IMMP2L: variants seen among roughly 807,000 people sequenced by gnomAD.
IMMP2L encodes inner mitochondrial membrane peptidase subunit 2.
IMMP2L carries 18 observed loss-of-function variants against 19.3 expected under a neutral mutation model. That is an observed-to-expected ratio of 0.93 (90% CI 0.64 to 1.38). IMMP2L has a LOEUF of 1.38. Among genes scored for constraint, IMMP2L ranks in the 40% most tolerant of loss-of-function variants. IMMP2L has a pLI of 0.00. For missense variants in IMMP2L, 233 were observed against 218.2 expected, an observed-to-expected ratio of 1.07 and a Z score of -0.43; for synonymous variants, 76 against 73.0, an observed-to-expected ratio of 1.04 and a Z score of -0.21.
chr7:111,446,550 C>T (rs566290953), intron 3 of IMMP2L, among the ~76,000 whole-genome samples: 2 of 151,540 alleles, frequency 1.3e-5, no homozygotes, highest in South Asian at 4.1e-4. Flanking sequence ...ACCGAAAACC[C>T]ATCTGTACAT....
At position 111,321,515 on chromosome 7, in the gene IMMP2L, T is replaced by A. The variant is rs114026498; in HGVS notation, c.239+165723A>T. ...CATGGAAAAAAAACTACAACAATCT[T>A]TTTTTTTCTCTAAATTATTAATATT... On this transcript the variant is annotated intron_variant, in intron 3 of 5. Transcript: ENST00000405709. Among the ~76,000 whole-genome samples, 1,498 of 151,368 alleles carry A rather than the reference T, an allele frequency of 9.9e-3. 36 individuals carry two copies. The highest frequency in any genetic ancestry group is 0.035 in the African/African-American group (1,433 of 41,052).
At chr7:111,265,600 G>GTA (rs924480508) in intron 3 of IMMP2L, among the ~76,000 whole-genome samples, 71 of 152,226 alleles carry the variant, frequency 4.7e-4, no homozygotes, top group African/African-American at 1.7e-3. Context: ...GTTTCAAAGG[G>GTA]TAGAAGAACA....
intron 3 of IMMP2L, among the ~76,000 whole-genome samples, chr7:111,212,887 G>A (rs755130053): frequency 2.0e-5 from 3 of 152,218 alleles, no homozygotes; most frequent in East Asian, 1.9e-4. Flanking sequence ...GTGGACTACC[G>A]GTCTCATTCC....
rs189631972 is a variant in IMMP2L, at chr7:111,546,518, C to T, written c.-3+15333G>A. Among the ~76,000 whole-genome samples, 9 of 152,248 alleles carry T rather than the reference C, an allele frequency of 5.9e-5. No homozygotes were observed. In the East Asian group the frequency reaches 1.5e-3, roughly 26 times the overall value. On this transcript the variant is annotated intron_variant, in intron 1 of 5. Coordinates refer to ENST00000405709, the MANE Select transcript of IMMP2L (RefSeq NM_032549.4). ...CGTGCTCTTTATATATTTATGAAAT[C>T]AGCTGTCTTCCTATGATATGAATTG...
At chr7:111,047,318 G>T (rs978073117) in intron 3 of IMMP2L, among the ~76,000 whole-genome samples, 1 of 151,900 alleles carries the variant, frequency 6.6e-6, no homozygotes, top group Non-Finnish European at 1.5e-5. Flanking sequence ...CTTCCAAGTA[G>T]CTGGGATTAC....
intron 3 of IMMP2L, among the ~76,000 whole-genome samples, chr7:111,282,346 A>C (rs533216327): frequency 2.4e-4 from 37 of 152,340 alleles, no homozygotes; most frequent in African/African-American, 8.7e-4. Context: ...TTCGGTAAGA[A>C]AGGGAAGAGT....
At chr7:110,906,676 C>T (rs1339988263) in intron 4 of IMMP2L, among the ~76,000 whole-genome samples, 2 of 151,954 alleles carry the variant, frequency 1.3e-5, no homozygotes, top group Admixed American at 6.6e-5. Flanking sequence ...AGTTATTTAA[C>T]CACTACTTAA....
At chr7:111,556,018 G>GTGTGTGTATA (rs777862357) in intron 1 of IMMP2L, among the ~76,000 whole-genome samples, 13 of 91,370 alleles carry the variant, frequency 1.4e-4, no homozygotes, top group African/African-American at 4.3e-4. Flanking sequence ...CTGTGTGCAT[G>GTGTGTGTATA]TATATATATA....
In IMMP2L at chr7:110,893,124, T is replaced by A. The variant is rs528517453; in HGVS notation, c.306-6429A>T. 2.0e-5 allele frequency among the ~76,000 whole-genome samples: 3 copies of A among 152,278 alleles called. No individual in the cohort carries two copies. The East Asian group carries it at 5.8e-4, about 29-fold the overall frequency. ...TTGGTTTCCTAGTGCTTACAAAAAT[T>A]ATGTTTACATTATACTGTAGTTTAT... On this transcript the variant is annotated intron_variant, in intron 4 of 5. Transcript: ENST00000405709.
chr7:110,928,384 C>T (rs1396743666), intron 4 of IMMP2L, among the ~76,000 whole-genome samples: 1 of 148,598 alleles, frequency 6.7e-6, no homozygotes, highest in East Asian at 2.0e-4. Context: ...CACACACACA[C>T]ACACACACAC....
chr7:110,781,088 T>C (rs1212738212), intron 5 of IMMP2L, among the ~76,000 whole-genome samples: 1 of 151,984 alleles, frequency 6.6e-6, no homozygotes, highest in East Asian at 1.9e-4. Flanking sequence ...ATCATGAGTT[T>C]ATAAGAATTT....
Position 111,314,422 on chromosome 7 carries a change from T to C in IMMP2L, c.239+172816A>G, listed in dbSNP as rs373808721. On this transcript the variant is annotated intron_variant, in intron 3 of 5. Transcript: ENST00000405709. Reference sequence around the variant, plus strand: ...CAGGCAAAAGGTGAGCAAAGTATGATTCTATTAATATATTGCTCATACAAT... The same window carrying C: ...CAGGCAAAAGGTGAGCAAAGTATGACTCTATTAATATATTGCTCATACAAT... Among the ~76,000 whole-genome samples the C allele has an allele frequency of 1.5e-4, 23 of 152,264 alleles. 2 individuals carry two copies. In the East Asian group the frequency reaches 2.1e-3, roughly 14 times the overall value.
intron 4 of IMMP2L, among the ~76,000 whole-genome samples, chr7:110,940,617 T>C (rs1816638989): frequency 6.6e-6 from 1 of 152,152 alleles, no homozygotes; most frequent in Admixed American, 6.5e-5. Context: ...TCACATAATT[T>C]TTCAGGCCTT....
At chr7:110,952,893 T>G (rs1282389365) in intron 4 of IMMP2L, among the ~76,000 whole-genome samples, 1 of 152,144 alleles carries the variant, frequency 6.6e-6, no homozygotes, top group Non-Finnish European at 1.5e-5. Context: ...TCCCTTACTT[T>G]TCTGTACATT....
intron 3 of IMMP2L, among the ~76,000 whole-genome samples, chr7:111,357,149 T>C (rs1338838782): frequency 6.6e-6 from 1 of 152,214 alleles, no homozygotes; most frequent in African/African-American, 2.4e-5. Flanking sequence ...GGACACAGAC[T>C]GGCCCACTGT....
intron 3 of IMMP2L, among the ~76,000 whole-genome samples, chr7:111,347,716 G>T (rs1217412944): frequency 6.6e-6 from 1 of 151,924 alleles, no homozygotes; most frequent in African/African-American, 2.4e-5. Context: ...ATGATTATCA[G>T]ATTTAGAATA....
chr7:111,336,716 T>C (rs1295604785), intron 3 of IMMP2L, among the ~76,000 whole-genome samples: 5 of 152,070 alleles, frequency 3.3e-5, no homozygotes, highest in African/African-American at 1.2e-4. Flanking sequence ...TCTTCAATTA[T>C]CTTCATAATA....
chr7:110,883,370 G>A (rs73425047), intron 5 of IMMP2L, among the ~76,000 whole-genome samples: 6,073 of 152,004 alleles, frequency 0.04, 395 homozygotes, highest in African/African-American at 0.14. Flanking sequence ...TCTCCTATTA[G>A]GCATATTTCC....
intron 4 of IMMP2L, chr7:110,963,032 C>A: frequency 6.6e-7 from 1 of 1,525,546 alleles, no homozygotes; most frequent in Non-Finnish European, 8.8e-7. Flanking sequence ...CTAAAGCTTT[C>A]ATTCTTGTCA....
Sources: allele counts gnomAD v4.1 joint callset (sites outside exome capture counted in the v4.1 genomes callset), GRCh38; gene constraint gnomAD v4.1.1; transcripts MANE v1.5; gene names NCBI Gene and HGNC (gene_info 2026-07-23, HGNC 2026-07-21).